The following FRMD4A variants were observed in gnomAD, a reference collection of about 807,000 sequenced individuals.
FRMD4A encodes FERM domain containing 4A.
A neutral mutation model predicts 129.1 loss-of-function variants in FRMD4A; 29 were observed. The observed-to-expected ratio is 0.22, with a 90% CI of 0.17 to 0.31. The LOEUF (loss-of-function observed/expected upper bound fraction) is 0.31. FRMD4A is among the 10% of genes least tolerant of loss of function. FRMD4A has a pLI of 1.00. For synonymous variants in FRMD4A, 634 were observed against 571.6 expected, an observed-to-expected ratio of 1.11 and a Z score of -1.56; for missense variants, 1,272 against 1,375.8, an observed-to-expected ratio of 0.92 and a Z score of 1.19.
chr10:13,853,829 CAAA>C (rs745585369), intron 3 of FRMD4A, among the ~76,000 whole-genome samples: 10 of 89,876 alleles, frequency 1.1e-4, no homozygotes, highest in African/African-American at 3.8e-4. Context: ...AAGACTCTCT[CAAA>C]AAAAAAAAAA....
At chr10:14,034,512 C>T (rs1833406350) in intron 2 of FRMD4A, among the ~76,000 whole-genome samples, 1 of 152,118 alleles carries the variant, frequency 6.6e-6, no homozygotes, top group South Asian at 2.1e-4. Context: ...TATACAGTGT[C>T]CATCCCTGAG....
chr10:13,761,813 T>A (rs891603499), intron 7 of FRMD4A, 144 bp from the exon 8 acceptor site: 2 of 635,314 alleles, frequency 3.1e-6, no homozygotes, highest in African/African-American at 3.7e-5. Context: ...GCTGCAGGAA[T>A]ACAATTAAAA....
chr10:14,162,456 C>T (rs1418917714), intron 2 of FRMD4A, among the ~76,000 whole-genome samples: 2 of 152,142 alleles, frequency 1.3e-5, no homozygotes, highest in Non-Finnish European at 2.9e-5. Context: ...ACCTCTGCAG[C>T]GAAAGCTGAT....
intron 2 of FRMD4A, among the ~76,000 whole-genome samples, chr10:14,295,682 G>A (rs1736140718): frequency 6.6e-6 from 1 of 152,178 alleles, no homozygotes; most frequent in Non-Finnish European, 1.5e-5. Flanking sequence ...CAGCACATGG[G>A]CTGTGGGTGG....
At chr10:14,039,926 C>A (rs1004615348) in intron 2 of FRMD4A, among the ~76,000 whole-genome samples, 1 of 152,160 alleles carries the variant, frequency 6.6e-6, no homozygotes, top group Non-Finnish European at 1.5e-5. Flanking sequence ...ATTTGGGGTT[C>A]ATATATGTAT....
chr10:14,010,664 C>CTTTTTTTTTTTTTTTTTT lies in FRMD4A; in HGVS notation c.46-151770_46-151753dup, dbSNP rs779471389. On this transcript the variant is annotated intron_variant, in intron 2 of 24. Transcript: ENST00000357447. ...TCAAAATTAATTGTCGAGTTTAGGT[C>CTTTTTTTTTTTTTTTTTT]TTTTTTTTTTTTTTTTTTTTTTTTA... 4.7e-4 allele frequency among the ~76,000 whole-genome samples: 36 copies of CTTTTTTTTTTTTTTTTTT among 76,428 alleles called. 4 individuals are homozygous for CTTTTTTTTTTTTTTTTTT. The highest frequency in any genetic ancestry group is 1.3e-3 in the East Asian group (2 of 1,566). The allele number at this position is 76,428 out of a possible 152,430, so 50.1% of individuals were successfully genotyped here.
intron 8 of FRMD4A, among the ~76,000 whole-genome samples, chr10:13,755,234 T>C (rs1473161673): frequency 1.3e-5 from 2 of 152,224 alleles, no homozygotes; most frequent in African/African-American, 2.4e-5. Context: ...TCCTCTAGCC[T>C]GTGACTTCCC....
At chr10:14,244,603 C>G (rs1281063972) in intron 2 of FRMD4A, among the ~76,000 whole-genome samples, 1 of 152,192 alleles carries the variant, frequency 6.6e-6, no homozygotes, top group Non-Finnish European at 1.5e-5. Flanking sequence ...TTTAGCCTAG[C>G]CTACTTTTAC....
intron 8 of FRMD4A, among the ~76,000 whole-genome samples, chr10:13,751,128 C>G (rs1218030433): frequency 6.6e-6 from 1 of 152,116 alleles, no homozygotes; most frequent in Non-Finnish European, 1.5e-5. Context: ...TTGGGTTTCA[C>G]TCACACCCAT....
chr10:14,233,375 G>C (rs1843698259), intron 2 of FRMD4A, among the ~76,000 whole-genome samples: 1 of 151,498 alleles, frequency 6.6e-6, no homozygotes, highest in Non-Finnish European at 1.5e-5. Context: ...TTCAAGACCA[G>C]CCTGGCCAAC....
At chr10:14,112,473 C>A (rs1026281775) in intron 2 of FRMD4A, among the ~76,000 whole-genome samples, 6 of 152,202 alleles carry the variant, frequency 3.9e-5, no homozygotes, top group African/African-American at 1.4e-4. Context: ...AATAGCTCCA[C>A]CAGGACCTCA....
At chr10:14,267,168 T>C (rs1350854307) in intron 2 of FRMD4A, among the ~76,000 whole-genome samples, 1 of 152,184 alleles carries the variant, frequency 6.6e-6, no homozygotes, top group Non-Finnish European at 1.5e-5. Context: ...TTAAGAAAGG[T>C]ATGAGGTCAA....
intron 8 of FRMD4A, among the ~76,000 whole-genome samples, chr10:13,757,547 A>G (rs2091914884): frequency 6.6e-6 from 1 of 152,216 alleles, no homozygotes; most frequent in South Asian, 2.1e-4. Context: ...CCAATAAGAC[A>G]AGGAAGTGAG....
At chr10:14,330,556 A>T in intron 1 of FRMD4A, 41 bp downstream of exon 1, 1 of 408,076 alleles carries the variant, frequency 2.5e-6, no homozygotes, top group Non-Finnish European at 4.3e-6. Flanking sequence ...TGCATCTCTC[A>T]GCAATTCTGC....
chr10:13,950,193 G>A (rs1224565063), intron 2 of FRMD4A, among the ~76,000 whole-genome samples: 6 of 152,168 alleles, frequency 3.9e-5, no homozygotes, highest in Non-Finnish European at 8.8e-5. Context: ...GTGGCTTTAG[G>A]GGATGCTAAA....
intron 2 of FRMD4A, among the ~76,000 whole-genome samples, chr10:13,989,652 A>T (rs2095596444): frequency 6.6e-6 from 1 of 152,304 alleles, no homozygotes; most frequent in South Asian, 2.1e-4. Flanking sequence ...ATAAGAATAC[A>T]TGGACAGGTA....
At chr10:13,779,874 C>T (rs2092692777) in intron 6 of FRMD4A, among the ~76,000 whole-genome samples, 1 of 151,814 alleles carries the variant, frequency 6.6e-6, no homozygotes, top group African/African-American at 2.4e-5. Flanking sequence ...AACAAGCCTA[C>T]ACATCATGTG....
intron 2 of FRMD4A, among the ~76,000 whole-genome samples, chr10:14,300,972 T>C (rs1589283190): frequency 6.6e-6 from 1 of 152,290 alleles, no homozygotes; most frequent in Middle Eastern, 3.4e-3. Flanking sequence ...AATGGGAGCT[T>C]TGGGCCATGT....
intron 2 of FRMD4A, among the ~76,000 whole-genome samples, chr10:14,301,840 C>T: frequency 6.6e-6 from 1 of 151,988 alleles, no homozygotes; most frequent in East Asian, 1.9e-4. Context: ...TGATTTTTTT[C>T]AAAGGTAAAT....
Sources: allele counts gnomAD v4.1 joint callset (sites outside exome capture counted in the v4.1 genomes callset), GRCh38; gene constraint gnomAD v4.1.1; transcripts MANE v1.5; gene names NCBI Gene and HGNC (gene_info 2026-07-23, HGNC 2026-07-21).